The following TBX3 variants were observed in gnomAD, a reference collection of about 807,000 sequenced individuals.
TBX3 encodes T-box transcription factor 3.
In TBX3, 11 loss-of-function variants were observed where a neutral mutation model predicts 47.8. That is an observed-to-expected ratio of 0.23 (90% CI 0.14 to 0.38). The LOEUF (loss-of-function observed/expected upper bound fraction) is 0.38. TBX3 is among the 10% of genes least tolerant of loss of function. The pLI is 1.00. For missense variants in TBX3, 927 were observed against 1,022.8 expected, an observed-to-expected ratio of 0.91 and a Z score of 1.28; for synonymous variants, 500 against 449.3, an observed-to-expected ratio of 1.11 and a Z score of -1.43.
chr12:114,672,419 G>C (rs1030188880), intron 6 of TBX3, 117 bp from the exon 7 acceptor site: 2 of 699,510 alleles, frequency 2.9e-6, no homozygotes, highest in Non-Finnish European at 4.0e-6. Flanking sequence ...GGTATGTTCT[G>C]TTGTTGTTGT....
At chr12:114,679,992 C>A in intron 2 of TBX3, 1 of 1,613,828 alleles carries the variant, frequency 6.2e-7, no homozygotes, top group South Asian at 1.1e-5. Context: ...TAGAGAAAAA[C>A]ATGCATTTTA....
At chr12:114,679,816 G>A in intron 2 of TBX3, 165 bp from the exon 3 acceptor site, 2 of 1,543,578 alleles carry the variant, frequency 1.3e-6, no homozygotes, top group South Asian at 1.1e-5. Flanking sequence ...CTCCACAGAT[G>A]TTATCTTCTG....
In TBX3 at chr12:114,674,695, C is replaced by G; in HGVS notation, c.1180G>C (p.Ala394Pro). The G allele has an allele frequency of 6.2e-7, 1 of 1,606,378 alleles. No individual in the cohort carries two copies. Among genetic ancestry groups the G allele is most frequent in the African/African-American group, 1.3e-5 (1 of 75,050 alleles). ...CRDKGSPAVK[A>P]HLFAAERPRD... ...GGCCGCTCAGCAGCGAAAAGGTGAG[C>G]CTTGACCGCGGGGCTGCCCTTGTCA... is the stretch of plus-strand genomic sequence containing the variant. Residue 394 changes from alanine (A) to proline (P), a missense_variant, in exon 6 of 7, where the codon GCT becomes CCT. By Grantham distance (27) the Ala-to-Pro change is conservative. Transcript: ENST00000349155.
chr12:114,674,843 A>G lies in TBX3; in HGVS notation c.1040-8T>C. ...CCTCGCTGGGACATAAATCTACCAC[A>G]GGCGAAGGAAAAAACCAAGGCAGAA... On this transcript the variant is annotated splice_polypyrimidine_tract_variant and splice_region_variant and intron_variant, in intron 5 of 6. Coordinates refer to ENST00000349155, the MANE Select transcript of TBX3 (RefSeq NM_005996.4). The G allele has an allele frequency of 6.4e-7, 1 of 1,562,828 alleles. No homozygotes were observed. The highest frequency in any genetic ancestry group is 1.2e-5 in the South Asian group (1 of 85,962).
At position 114,672,311 on chromosome 12, in the gene TBX3, A is replaced by G. The variant is rs1418432145; in HGVS notation, c.1711-9T>C. ...GGGGACATGGCCAGGCCCTGGGGTG[A>G]GAAAAGAGACACACAGCGAGTCAGC... On this transcript the variant is annotated splice_polypyrimidine_tract_variant and intron_variant, in intron 6 of 6. Transcript: ENST00000349155. The G allele has an allele frequency of 1.3e-6, 2 of 1,535,072 alleles. No individual in the cohort carries two copies. The highest frequency in any genetic ancestry group is 1.7e-6 in the Non-Finnish European group (2 of 1,143,786).
rs1325071080 is a variant in TBX3 at position 114,681,134 on chromosome 12, A to T, written c.402T>A (p.Pro134=). Residue 134 remains proline, a synonymous_variant, in exon 2 of 7, where the codon CCT becomes CCA. Coordinates refer to ENST00000349155, the MANE Select transcript of TBX3 (RefSeq NM_005996.4). ...VITKSGRRMF[P]PFKVRCSGLD... ...GCCCAGAACATCTCACTTTAAATGG[A>T]GGAAACATTCGCCTATAAAACGAAA... is the stretch of plus-strand genomic sequence containing the variant. The T allele has an allele frequency of 1.2e-6, 2 of 1,614,180 alleles. No individual in the cohort carries two copies.
chr12:114,673,685 T>C (rs1868556851), intron 6 of TBX3, among the ~76,000 whole-genome samples: 1 of 152,128 alleles, frequency 6.6e-6, no homozygotes, highest in South Asian at 2.1e-4. Context: ...GAAGCTAAAA[T>C]CAGAAACCCT....
At position 114,671,600 on chromosome 12, in the gene TBX3, C is replaced by T; in HGVS notation, c.*241G>A. The T allele has an allele frequency of 1.7e-6, 1 of 597,794 alleles. No individual in the cohort carries two copies. The highest frequency in any genetic ancestry group is 3.0e-6 in the Non-Finnish European group (1 of 337,738). The allele number at this position is 597,794 out of a possible 1,614,324, so 37.0% of individuals were successfully genotyped here. A position where few individuals can be genotyped will look rare whatever the true frequency, so the allele number is the denominator to read the frequency against. The stretch of plus-strand genomic sequence containing the variant: ...ATGTTGGAACTCCTACCCCCAGTAG[C>T]TCAATGCAACCGACGTTTCTGAGCC... On this transcript the variant is annotated 3_prime_UTR_variant, in exon 7 of 7. Transcript: ENST00000349155.
intron 3 of TBX3, among the ~76,000 whole-genome samples, chr12:114,679,247 A>G (rs970592608): frequency 7.2e-5 from 11 of 152,114 alleles, no homozygotes; most frequent in African/African-American, 2.2e-4. Flanking sequence ...GGTGGCATCA[A>G]TGACAGCAGT....
In TBX3 at chr12:114,674,331, G is replaced by C; in HGVS notation, c.1544C>G (p.Ala515Gly). 6.4e-7 allele frequency: 1 copy of C among 1,566,406 alleles called. No homozygotes were observed. The highest frequency in any genetic ancestry group is 8.7e-7 in the Non-Finnish European group (1 of 1,155,568). The change falls in exon 6 of 7, where the codon GCG (alanine) becomes GGG (glycine). Residue 515 changes from alanine to glycine, a missense_variant. Physicochemically the swap from Ala to Gly is moderately conservative, Grantham distance 60. Coordinates refer to ENST00000349155, the MANE Select transcript of TBX3 (RefSeq NM_005996.4). ...CAGGAGGGGACCCATGCCAGCGGCC[G>C]CCATGCTGGAGAAGGCGCCCCCCAT... Reference protein sequence around the residue: ...FAMGGAFSSMAAAGMGPLLAT... With the variant: ...FAMGGAFSSMGAAGMGPLLAT...
At chr12:114,678,683 G>A (rs1210413113) in intron 3 of TBX3, among the ~76,000 whole-genome samples, 2 of 152,222 alleles carry the variant, frequency 1.3e-5, no homozygotes, top group Non-Finnish European at 2.9e-5. Flanking sequence ...CAGGATTGCA[G>A]AGCAGGGGTC....
rs746325292 is a variant in TBX3, at chr12:114,679,553, C to A, written c.756G>T (p.Leu252Phe). Reference sequence around the variant, plus strand: ...CAGCGATGAATTCAGTTTCGGGGAACAAGTATGTCCGAAATGTACTATAAG... The same window carrying A: ...CAGCGATGAATTCAGTTTCGGGGAAAAAGTATGTCCGAAATGTACTATAAG... ...KLPYSTFRTY[L>F]FPETEFIAVT... Residue 252 changes from leucine to phenylalanine, a missense_variant, in exon 3 of 7, where the codon TTG (leucine) becomes TTT (phenylalanine). Physicochemically the swap from Leu to Phe is conservative, Grantham distance 22 (BLOSUM62 0). Coordinates refer to ENST00000349155, the MANE Select transcript of TBX3 (RefSeq NM_005996.4). 1.9e-6 allele frequency: 3 copies of A among 1,614,170 alleles called. No homozygotes were observed. Among genetic ancestry groups the A allele is most frequent in the Non-Finnish European group, 2.5e-6 (3 of 1,180,032 alleles).
In TBX3 at chr12:114,674,777, G is replaced by A. The variant is rs754002367; in HGVS notation, c.1098C>T (p.Gly366=). 1.3e-6 allele frequency: 2 copies of A among 1,586,732 alleles called. No individual in the cohort carries two copies. The highest frequency in any genetic ancestry group is 1.7e-6 in the Non-Finnish European group (2 of 1,171,718). ...TCTTGGCCGCGTCGCAGGCCTCGGG[G>A]CCATGCTCCTCTTTGCTCTCGGCCT... is the stretch of plus-strand genomic sequence containing the variant. ...DAEAESKEEH[G]PEACDAAKIS... Residue 366 remains glycine, a synonymous_variant, in exon 6 of 7, where the codon GGC becomes GGT. Coordinates refer to ENST00000349155, the MANE Select transcript of TBX3 (RefSeq NM_005996.4).
intron 2 of TBX3, 172 bp from the exon 3 acceptor site, chr12:114,679,823 T>C: frequency 6.4e-7 from 1 of 1,555,202 alleles, no homozygotes; most frequent in East Asian, 2.2e-5. Context: ...GATGTTATCT[T>C]CTGGAGAATC....
intron 1 of TBX3, among the ~76,000 whole-genome samples, chr12:114,681,567 C>T (rs370567693): frequency 2.0e-5 from 3 of 152,254 alleles, no homozygotes; most frequent in South Asian, 4.2e-4. Flanking sequence ...CTAGAATTTT[C>T]CACCACCCAT....
rs753655242 is a variant in TBX3 at position 114,674,166 on chromosome 12, T to C, written c.1709A>G (p.Gln570Arg). 4 of 1,582,000 alleles carry C rather than the reference T, an allele frequency of 2.5e-6. No individual in the cohort carries two copies. The highest frequency in any genetic ancestry group is 3.4e-6 in the Non-Finnish European group (4 of 1,166,004). ...GGAGGCAGGAAGAAGGATCCATACCTGAGAGGCCAGGACGTGCTGCTGGAG... is the reference window on the plus strand; with the variant it reads ...GGAGGCAGGAAGAAGGATCCATACCCGAGAGGCCAGGACGTGCTGCTGGAG... ...FHLQQHVLAS[Q>R]GLAMSPFGSL... The change falls in exon 6 of 7, where the codon CAG becomes CGG. Residue 570 changes from glutamine to arginine, a missense_variant and splice_region_variant. Coordinates refer to ENST00000349155, the MANE Select transcript of TBX3 (RefSeq NM_005996.4).
At chr12:114,679,182 G>A (rs1246499852) in intron 3 of TBX3, among the ~76,000 whole-genome samples, 1 of 152,028 alleles carries the variant, frequency 6.6e-6, no homozygotes, top group Non-Finnish European at 1.5e-5. Context: ...TCCCCAAGGG[G>A]AAGAAGATGA....
In TBX3 at chr12:114,674,448, C is replaced by T. The variant is rs1024919027; in HGVS notation, c.1427G>A (p.Gly476Asp). Reference protein sequence around the residue: ...TDAAAAHLAQGPLPGLGFAPG... With the variant: ...TDAAAAHLAQDPLPGLGFAPG... ...GGCGAAGCCGAGGCCAGGCAGGGGG[C>T]CCTGGGCCAGGTGCGCGGCGGCCGC... Residue 476 changes from glycine to aspartate, a missense_variant, in exon 6 of 7, where the codon GGC becomes GAC. By Grantham distance (94) the Gly-to-Asp change is moderately conservative (BLOSUM62 -1). Around this residue, in one of 5 missense-constraint regions of TBX3, gnomAD observed 623 missense variants for 569.0 expected, o/e 1.09. Transcript: ENST00000349155. The T allele has an allele frequency of 2.6e-6, 4 of 1,546,234 alleles. No homozygotes were observed. The highest frequency in any genetic ancestry group is 1.4e-5 in the African/African-American group (1 of 72,876).
intron 2 of TBX3, chr12:114,680,051 A>G: frequency 6.9e-7 from 1 of 1,445,720 alleles, no homozygotes; most frequent in Non-Finnish European, 9.7e-7. Context: ...TGACGAGCCC[A>G]ATCCACTTAA....
Sources: gnomAD v4.1 joint callset for allele counts (sites outside exome capture counted in the v4.1 genomes callset) on GRCh38, gnomAD v4.1.1 for gene constraint, gnomAD v4.1.1 regional missense constraint, MANE v1.5 for transcripts, NCBI Gene and HGNC (gene_info 2026-07-23, HGNC 2026-07-21) for gene names.